PLPPR1: variants seen among roughly 807,000 people sequenced by gnomAD.
PLPPR1 encodes phospholipid phosphatase-related protein type 1.
A neutral mutation model predicts 33.1 loss-of-function variants in PLPPR1; 10 were observed. The observed-to-expected ratio is 0.30, with a 90% CI of 0.19 to 0.51. The LOEUF is 0.51. Ranked by LOEUF, PLPPR1 falls within the 20% of genes least tolerant of loss-of-function variation. The pLI, the probability that PLPPR1 is intolerant of heterozygous loss-of-function variation, is 0.97. For synonymous variants in PLPPR1, 151 were observed against 151.0 expected (o/e 1.00, Z 0.00); for missense variants, 304 against 408.1 (o/e 0.74, Z 2.20).
At chr9:101,096,287 A>T (rs1003676011) in intron 1 of PLPPR1, among the ~76,000 whole-genome samples, 1 of 152,174 alleles carries the variant, frequency 6.6e-6, no homozygotes, top group African/African-American at 2.4e-5. Flanking sequence ...AGAATAACAT[A>T]ATCACAGTGG....
intron 1 of PLPPR1, among the ~76,000 whole-genome samples, chr9:101,072,923 C>T (rs761737046): frequency 6.6e-6 from 1 of 152,160 alleles, no homozygotes; most frequent in Non-Finnish European, 1.5e-5. Context: ...TTCATGGTTG[C>T]TATTCATGAA....
At chr9:101,046,596 C>T (rs971168806) in intron 1 of PLPPR1, among the ~76,000 whole-genome samples, 4 of 151,912 alleles carry the variant, frequency 2.6e-5, no homozygotes, top group East Asian at 3.9e-4. Flanking sequence ...TCTGCCACCA[C>T]GCCCAGCTAA....
At chr9:101,081,285 G>T (rs1024076389) in intron 1 of PLPPR1, among the ~76,000 whole-genome samples, 4 of 151,856 alleles carry the variant, frequency 2.6e-5, no homozygotes, top group African/African-American at 9.7e-5. Flanking sequence ...GTGCGATCTC[G>T]CCTCACTGCA....
intron 1 of PLPPR1, among the ~76,000 whole-genome samples, chr9:101,154,179 G>T (rs536503192): frequency 1.3e-5 from 2 of 152,086 alleles, no homozygotes; most frequent in African/African-American, 4.8e-5. Context: ...CTCTTTTTTT[G>T]TTGTGTCTCT....
At chr9:101,112,569 T>C (rs1831069713) in intron 1 of PLPPR1, among the ~76,000 whole-genome samples, 1 of 152,230 alleles carries the variant, frequency 6.6e-6, no homozygotes, top group Admixed American at 6.5e-5. Flanking sequence ...CCTCCTGGCA[T>C]GCAGTAATTC....
At chr9:101,167,141 G>GGTGTGTGT (rs756843224) in intron 1 of PLPPR1, among the ~76,000 whole-genome samples, 665 of 39,738 alleles carry the variant, frequency 0.017, 29 homozygotes, top group Middle Eastern at 0.053. Flanking sequence ...TATGTCTCTC[G>GGTGTGTGT]GTGTGTGTGT....
chr9:101,122,564 A>G (rs1250360701), intron 1 of PLPPR1, among the ~76,000 whole-genome samples: 1 of 152,204 alleles, frequency 6.6e-6, no homozygotes, highest in Non-Finnish European at 1.5e-5. Context: ...CAAAACAAAA[A>G]CAGTTTCAAA....
At chr9:101,048,664 T>G (rs1280991978) in intron 1 of PLPPR1, among the ~76,000 whole-genome samples, 1 of 152,214 alleles carries the variant, frequency 6.6e-6, no homozygotes, top group Non-Finnish European at 1.5e-5. Flanking sequence ...CACAGAAGCA[T>G]TGATTTTATA....
At chr9:101,193,106 T>C (rs376424277) in intron 2 of PLPPR1, among the ~76,000 whole-genome samples, 34 of 152,238 alleles carry the variant, frequency 2.2e-4, no homozygotes, top group African/African-American at 7.9e-4. Flanking sequence ...TGAGATATAG[T>C]CCACTCTTAA....
Position 101,155,748 on chromosome 9 carries a change from C to T in PLPPR1, c.-45-29702C>T, listed in dbSNP as rs147882016. 8.7e-3 allele frequency among the ~76,000 whole-genome samples: 1,317 copies of T among 151,872 alleles called. 10 individuals carry two copies. Among genetic ancestry groups the T allele is most frequent in the South Asian group, 0.018 (85 of 4,794 alleles). On this transcript the variant is annotated intron_variant, in intron 1 of 7. Transcript: ENST00000374874. ...CCAAGTAGCTGGGATTACAGGCATG[C>T]GCCACCACACCTAGCTAATTTTTGT...
At chr9:101,244,376 A>G (rs1021601892) in intron 2 of PLPPR1, among the ~76,000 whole-genome samples, 8 of 152,046 alleles carry the variant, frequency 5.3e-5, no homozygotes, top group Non-Finnish European at 1.0e-4. Flanking sequence ...AGATTCAGAA[A>G]GACGAAAAAT....
chr9:101,196,672 T>C (rs1364520527), intron 2 of PLPPR1, among the ~76,000 whole-genome samples: 1 of 152,072 alleles, frequency 6.6e-6, no homozygotes. Context: ...CCATCCTGGC[T>C]AACACGGTGA....
At chr9:101,142,555 C>T (rs1831464789) in intron 1 of PLPPR1, among the ~76,000 whole-genome samples, 1 of 152,158 alleles carries the variant, frequency 6.6e-6, no homozygotes, top group East Asian at 1.9e-4. Context: ...AATAGATGCT[C>T]CCCGTATCTT....
chr9:101,147,881 T>G (rs1018495911), intron 1 of PLPPR1, among the ~76,000 whole-genome samples: 4 of 152,092 alleles, frequency 2.6e-5, no homozygotes, highest in African/African-American at 9.7e-5. Context: ...TGCCCAGGAG[T>G]GTTCTGACCT....
intron 1 of PLPPR1, among the ~76,000 whole-genome samples, chr9:101,075,842 G>T (rs1830528299): frequency 9.3e-6 from 1 of 107,840 alleles, no homozygotes; most frequent in Admixed American, 9.2e-5. Context: ...GTTGGATGAG[G>T]ATTTCCTTTA....
At chr9:101,297,436 C>T (rs572802077) in intron 4 of PLPPR1, among the ~76,000 whole-genome samples, 10 of 152,290 alleles carry the variant, frequency 6.6e-5, no homozygotes, top group African/African-American at 2.4e-4. Flanking sequence ...AGAATAGTGA[C>T]ATCAAAGAGA....
chr9:101,321,414 T>G (rs1410529914), intron 7 of PLPPR1, among the ~76,000 whole-genome samples: 1 of 152,158 alleles, frequency 6.6e-6, no homozygotes, highest in Admixed American at 6.6e-5. Flanking sequence ...ATGGGGTGCA[T>G]TTTCTAAAAT....
intron 2 of PLPPR1, among the ~76,000 whole-genome samples, chr9:101,195,308 GA>G (rs1826375932): frequency 6.6e-6 from 1 of 151,986 alleles, no homozygotes; most frequent in South Asian, 2.1e-4. Flanking sequence ...AAGGGAACGA[GA>G]TTCTTTATAG....
chr9:101,039,946 A>G (rs1191462401), intron 1 of PLPPR1, among the ~76,000 whole-genome samples: 1 of 151,368 alleles, frequency 6.6e-6, no homozygotes, highest in Non-Finnish European at 1.5e-5. Context: ...AAAAATAGAG[A>G]CTTAAACCAG....
Sources: allele counts gnomAD v4.1 joint callset (sites outside exome capture counted in the v4.1 genomes callset), GRCh38; gene constraint gnomAD v4.1.1; transcripts MANE v1.5; gene names NCBI Gene and HGNC (gene_info 2026-07-23, HGNC 2026-07-21).